SF3B2: variants seen among roughly 807,000 people sequenced by gnomAD.
SF3B2 encodes SAP 145.
A neutral mutation model predicts 116.3 loss-of-function variants in SF3B2; 22 were observed. The ratio of observed to expected loss-of-function variants is 0.19; its 90% CI spans 0.14 to 0.27. SF3B2 has a LOEUF of 0.27. Ranked by LOEUF, SF3B2 falls within the 10% of genes least tolerant of loss-of-function variation. The probability of loss-of-function intolerance (pLI) is 1.00; values close to 1 mark genes in which losing one functional copy is unlikely to be tolerated. For synonymous variants in SF3B2, 406 were observed against 421.6 expected (o/e 0.96, Z 0.45); for missense variants, 767 against 1,151.4 (o/e 0.67, Z 4.83).
chr11:66,066,951 G>T, intron 19 of SF3B2: 1 of 166,310 alleles, frequency 6.0e-6, no homozygotes. Context: ...CTCTCCATGA[G>T]TCTCCCCTCT....
intron 19 of SF3B2, chr11:66,067,352 A>C (rs1590719230): frequency 4.4e-6 from 2 of 454,840 alleles, no homozygotes; most frequent in South Asian, 3.1e-5. Context: ...GTCTGACAGG[A>C]CCCGACATCC....
chr11:66,058,914 G>A lies in SF3B2; in HGVS notation c.1051G>A (p.Glu351Lys), dbSNP rs767223469. 6.2e-7 allele frequency: 1 copy of A among 1,614,168 alleles called. No homozygotes were observed. The highest frequency in any genetic ancestry group is 1.1e-5 in the South Asian group (1 of 91,078). ...GTCCTCTGAGAGCTCTGGGGACCGG[G>A]AGAAAGACTCAACCCGGTCCCGTGG... ...GVSSESSGDR[E>K]KDSTRSRGSD... The change falls in exon 10 of 22, where the codon GAG (glutamate) becomes AAG (lysine). Residue 351 changes from glutamate to lysine, a missense_variant. Physicochemically the swap from Glu to Lys is moderately conservative, Grantham distance 56. Coordinates refer to ENST00000322535, the MANE Select transcript of SF3B2 (RefSeq NM_006842.3).
chr11:66,052,679 G>T lies in SF3B2; in HGVS notation c.140G>T (p.Arg47Leu). The T allele has an allele frequency of 6.3e-7, 1 of 1,595,242 alleles. No homozygotes were observed. The highest frequency in any genetic ancestry group is 8.5e-7 in the Non-Finnish European group (1 of 1,171,964). ...AEIGAPIQGN[R>L]EELVERLQSY... The stretch of plus-strand genomic sequence containing the variant: ...CGTGTACTTTGCCCTGCAGGTAATC[G>T]CGAGGAGCTGGTGGAGCGGCTGCAG... The change falls in exon 2 of 22, where the codon CGC (arginine) becomes CTC (leucine). Residue 47 changes from arginine to leucine, a missense_variant. Physicochemically the swap from Arg to Leu is moderately radical, Grantham distance 102 (BLOSUM62 -2). Around this residue, in one of 4 missense-constraint regions of SF3B2, gnomAD observed 455 missense variants for 537.5 expected, o/e 0.85. Transcript: ENST00000322535.
At chr11:66,058,721 A>G in intron 9 of SF3B2, 109 bp from the exon 10 acceptor site, 1 of 980,130 alleles carries the variant, frequency 1.0e-6, no homozygotes, top group Admixed American at 2.7e-5. Flanking sequence ...CTCCTTGGGA[A>G]AAGCCTGACT....
At chr11:66,056,314 G>A (rs1393955912) in intron 5 of SF3B2, among the ~76,000 whole-genome samples, 7 of 151,354 alleles carry the variant, frequency 4.6e-5, no homozygotes, top group Non-Finnish European at 1.0e-4. Flanking sequence ...GTGGGAGGAT[G>A]GCTTGAGCTG....
intron 21 of SF3B2, 164 bp from the exon 22 acceptor site, chr11:66,068,510 T>C: frequency 2.3e-6 from 2 of 851,514 alleles, no homozygotes; most frequent in Non-Finnish European, 3.6e-6. Flanking sequence ...TTAAGGACGA[T>C]GAGGGGGAGG....
intron 21 of SF3B2, 30 bp downstream of exon 21, chr11:66,068,363 TGAGAG>T (rs1857223861): frequency 6.5e-7 from 1 of 1,541,274 alleles, no homozygotes; most frequent in African/African-American, 1.4e-5. Context: ...CTGGGCTGGG[TGAGAG>T]CCAGGGACCC....
Position 66,063,553 on chromosome 11 carries a change from CAG to C in SF3B2, c.2228+15_2228+16del. On this transcript the variant is annotated intron_variant, in intron 18 of 21. Coordinates refer to ENST00000322535, the MANE Select transcript of SF3B2 (RefSeq NM_006842.3). ...TACCCCTGCAGACAGGTGGGGGAAG[CAG>C]AGAATGCCTCTTGGAAGTGGGCTAT... 1 of 1,612,210 alleles carries C rather than the reference CAG, an allele frequency of 6.2e-7. No individual in the cohort carries two copies. Among genetic ancestry groups the C allele is most frequent in the Non-Finnish European group, 8.5e-7 (1 of 1,178,996 alleles).
At chr11:66,058,218 C>T in intron 8 of SF3B2, 68 bp downstream of exon 8, 1 of 1,576,924 alleles carries the variant, frequency 6.3e-7, no homozygotes, top group Non-Finnish European at 8.7e-7. Flanking sequence ...CCTCATCCCT[C>T]TGTCCCTTTC....
rs1857106017 is a variant in SF3B2, at chr11:66,061,895, C to T, written c.1874C>T (p.Ala625Val). ...ISLGMPVGPN[A>V]HKVPPPWLIA... is the part of the protein sequence containing the mutation. ...CCTGTTCTCTTTTTCCTGCAGAATG[C>T]CCACAAGGTCCCTCCCCCATGGCTG... Residue 625 changes from alanine to valine, a missense_variant, in exon 16 of 22, where the codon GCC (alanine) becomes GTC (valine). Ala to Val is a moderately conservative substitution (Grantham distance 64). Transcript: ENST00000322535. The T allele has an allele frequency of 6.2e-7, 1 of 1,611,768 alleles. No individual in the cohort carries two copies. The highest frequency in any genetic ancestry group is 8.5e-7 in the Non-Finnish European group (1 of 1,178,232).
intron 3 of SF3B2, among the ~76,000 whole-genome samples, chr11:66,054,859 A>T (rs1590708499): frequency 6.6e-6 from 1 of 152,250 alleles, no homozygotes; most frequent in South Asian, 2.1e-4. Context: ...TATATTCAGG[A>T]TATCTTTTTG....
At position 66,055,575 on chromosome 11, in the gene SF3B2, A is replaced by G; in HGVS notation, c.539A>G (p.Gln180Arg). 6.2e-7 allele frequency: 1 copy of G among 1,614,194 alleles called. No individual in the cohort carries two copies. Among genetic ancestry groups the G allele is most frequent in the Non-Finnish European group, 8.5e-7 (1 of 1,180,036 alleles). Reference protein sequence around the residue: ...HSLKEHELLEQQKRAAVLLEQ... With the variant: ...HSLKEHELLERQKRAAVLLEQ... ...CTGAAGGAACATGAGCTCTTGGAGC[A>G]GCAGAAGCGGGTAATACCCCTCCCC... Residue 180 changes from glutamine (Q) to arginine (R), a missense_variant, in exon 5 of 22, where the codon CAG (glutamine) becomes CGG (arginine). Gln to Arg is a conservative substitution (Grantham distance 43). Coordinates refer to ENST00000322535, the MANE Select transcript of SF3B2 (RefSeq NM_006842.3).
chr11:66,068,534 C>A, intron 21 of SF3B2, 140 bp from the exon 22 acceptor site: 1 of 863,772 alleles, frequency 1.2e-6, no homozygotes, highest in Non-Finnish European at 1.8e-6. Flanking sequence ...TCAGCCAAGT[C>A]TGAGAGGGAG....
Position 66,055,113 on chromosome 11 carries a change from TC to T in SF3B2, c.302del (p.Pro101LeufsTer47). ...CCCATGCCACCACCACCTTTGGGAC[TC>T]CCCCCTCTGCAGCCTCCTCCGCCAC... Reference protein sequence around the residue: ...GIPMPPPPLGLPPLQPPPPPP... With the variant: ...GIPMPPPPLGXPPLQPPPPPP... On this transcript the variant is annotated frameshift_variant, in exon 4 of 22. Transcript: ENST00000322535. LOFTEE classifies it high-confidence loss of function. The T allele has an allele frequency of 1.9e-6, 3 of 1,544,924 alleles. No homozygotes were observed. The highest frequency in any genetic ancestry group is 1.2e-5 in the South Asian group (1 of 81,248).
rs748440213 is a variant in SF3B2 at position 66,058,424 on chromosome 11, T to C, written c.966+19T>C. 3 of 1,598,422 alleles carry C rather than the reference T, an allele frequency of 1.9e-6. No individual in the cohort carries two copies. The highest frequency in any genetic ancestry group is 2.6e-6 in the Non-Finnish European group (3 of 1,166,430). The stretch of plus-strand genomic sequence containing the variant: ...AAAGGAGGTAGGGATTGGAGCTGAG[T>C]GTGGAAGGAAAGCCAGGAGATGGGA... On this transcript the variant is annotated intron_variant, in intron 9 of 21. Transcript: ENST00000322535.
At chr11:66,067,450 G>C (rs1372998977) in intron 19 of SF3B2, 15 of 456,182 alleles carry the variant, frequency 3.3e-5, no homozygotes, top group Non-Finnish European at 6.6e-5. Context: ...GCATAGTCTG[G>C]GGTGATAGTG....
At chr11:66,065,049 A>G (rs9326369) in intron 19 of SF3B2, 146,059 of 152,138 alleles carry the variant, frequency 0.96, 70,407 homozygotes, top group East Asian at 1. Flanking sequence ...TTGGCTCACT[A>G]TAACCTCCAC....
intron 19 of SF3B2, 31 bp from the exon 20 acceptor site, chr11:66,067,915 T>C (rs772256758): frequency 6.3e-7 from 1 of 1,593,358 alleles, no homozygotes; most frequent in Non-Finnish European, 8.6e-7. Context: ...TGTCCCTTGC[T>C]TTTTGGGCCT....
intron 5 of SF3B2, 151 bp downstream of exon 5, chr11:66,055,736 A>C: frequency 1.5e-6 from 1 of 681,912 alleles, no homozygotes; most frequent in South Asian, 2.0e-5. Flanking sequence ...TTTTTCTTGA[A>C]GTTCAGGAAT....
Sources: gnomAD v4.1 joint callset for allele counts (sites outside exome capture counted in the v4.1 genomes callset) on GRCh38, gnomAD v4.1.1 for gene constraint, gnomAD v4.1.1 regional missense constraint, MANE v1.5 for transcripts, NCBI Gene and HGNC (gene_info 2026-07-23, HGNC 2026-07-21) for gene names.